The following PER2 variants were observed in gnomAD, a reference collection of about 807,000 sequenced individuals.
PER2 encodes the protein period circadian protein homolog 2.
PER2 carries 66 observed loss-of-function variants against 121.0 expected under a neutral mutation model. The ratio of observed to expected loss-of-function variants is 0.55; its 90% CI spans 0.45 to 0.67. The LOEUF (loss-of-function observed/expected upper bound fraction) is 0.67. PER2 is among the 30% of genes least tolerant of loss of function. PER2 has a pLI of 0.00. For synonymous variants in PER2, 684 were observed against 659.9 expected (o/e 1.04, Z -0.56); for missense variants, 1,521 against 1,635.0 (o/e 0.93, Z 1.20).
At position 238,253,268 on chromosome 2, in the gene PER2, T is replaced by A. The variant is rs201452338; in HGVS notation, c.2755A>T (p.Asn919Tyr). 2 of 1,610,114 alleles carry A rather than the reference T, an allele frequency of 1.2e-6. No individual in the cohort carries two copies. Among genetic ancestry groups the A allele is most frequent in the East Asian group, 2.2e-5 (1 of 44,796 alleles). ...PSYSFPSGTP[N>Y]LPQAFFPSQP... ...CTGGGGAAGAAGGCCTGGGGCAGGT[T>A]TGGGGTCCCCGAGGGGAAGGAATAA... The change falls in exon 19 of 23, where the codon AAC (asparagine) becomes TAC (tyrosine). Residue 919 changes from asparagine (N) to tyrosine (Y), a missense_variant. By Grantham distance (143) the Asn-to-Tyr change is moderately radical. Transcript: ENST00000254657. The surrounding 1 kb of genome is among the most constrained non-coding windows in gnomAD (Gnocchi z 5.6).
Position 238,260,814 on chromosome 2 carries a change from G to C in PER2, c.1542+14C>G. On this transcript the variant is annotated intron_variant, in intron 13 of 22. Transcript: ENST00000254657. ...ACAAACTCATTTTCTCAGGGAGAATGGAAGGAGACGTACGGCTCTCCTCCG... is the reference window on the plus strand; with the variant it reads ...ACAAACTCATTTTCTCAGGGAGAATCGAAGGAGACGTACGGCTCTCCTCCG... 1.9e-6 allele frequency: 3 copies of C among 1,613,874 alleles called. No homozygotes were observed. The highest frequency in any genetic ancestry group is 2.5e-6 in the Non-Finnish European group (3 of 1,179,824).
intron 8 of PER2, among the ~76,000 whole-genome samples, chr2:238,266,367 C>T (rs1006368320): frequency 2.0e-5 from 3 of 151,852 alleles, no homozygotes; most frequent in Non-Finnish European, 1.5e-5. Context: ...AGAGATCCTC[C>T]TACCTCAGCC....
upstream of PER2, among the ~76,000 whole-genome samples, chr2:238,294,388 G>A (rs1449611982): frequency 6.6e-6 from 1 of 152,184 alleles, no homozygotes; most frequent in Admixed American, 6.5e-5. Flanking sequence ...GACCAACAAG[G>A]CCTGCTGTCA....
chr2:238,245,790 C>T lies in PER2; in HGVS notation c.*585G>A, dbSNP rs1404284825. 3 of 397,372 alleles carry T rather than the reference C, an allele frequency of 7.5e-6. No homozygotes were observed. Among genetic ancestry groups the T allele is most frequent in the Admixed American group, 4.4e-5 (1 of 22,714 alleles). The allele number at this position is 397,372 out of a possible 1,614,324, so 24.6% of individuals were successfully genotyped here. A position where few individuals can be genotyped will look rare whatever the true frequency, so the allele number is the denominator to read the frequency against. On this transcript the variant is annotated 3_prime_UTR_variant, in exon 23 of 23. Transcript: ENST00000254657. ...ATGTCAGACTGAAATATTGACCACACCAGAAGCCAAAGCTGTTGGTTTGCC... is the reference window on the plus strand; with the variant it reads ...ATGTCAGACTGAAATATTGACCACATCAGAAGCCAAAGCTGTTGGTTTGCC...
chr2:238,287,192 A>C (rs1696814014), intron 1 of PER2, among the ~76,000 whole-genome samples: 1 of 152,198 alleles, frequency 6.6e-6, no homozygotes, highest in Non-Finnish European at 1.5e-5. Flanking sequence ...AATGAATCAT[A>C]CCAAGGCGAC....
At chr2:238,271,176 G>A (rs1000268289) in intron 6 of PER2, 136 bp downstream of exon 6, 1 of 780,380 alleles carries the variant, frequency 1.3e-6, no homozygotes, top group Admixed American at 1.7e-5. Context: ...ACCTTTGCCA[G>A]AGCAGGCAGC....
chr2:238,262,843 T>C, intron 10 of PER2, 109 bp downstream of exon 10: 1 of 777,430 alleles, frequency 1.3e-6, no homozygotes, highest in South Asian at 1.5e-5. Flanking sequence ...CACCTGCTTG[T>C]CCTTAGCTGA....
intron 4 of PER2, among the ~76,000 whole-genome samples, chr2:238,274,499 G>A (rs1336839188): frequency 3.3e-5 from 5 of 152,226 alleles, no homozygotes; most frequent in Non-Finnish European, 7.3e-5. Context: ...CTGAAATCAA[G>A]ATATAAACTG....
intron 12 of PER2, among the ~76,000 whole-genome samples, chr2:238,261,244 T>C (rs1045636494): frequency 1.3e-5 from 2 of 152,310 alleles, no homozygotes; most frequent in Admixed American, 1.3e-4. Flanking sequence ...CCTCTGTGGA[T>C]GGGTTTAAAA....
intron 21 of PER2, among the ~76,000 whole-genome samples, chr2:238,249,618 ACTTAG>A (rs1695545468): frequency 6.6e-6 from 1 of 152,068 alleles, no homozygotes; most frequent in East Asian, 1.9e-4. Flanking sequence ...TGACCAGAGG[ACTTAG>A]GGGTTTGATA....
chr2:238,253,047 G>A lies in PER2; in HGVS notation c.2976C>T (p.Asn992=), dbSNP rs1216454081. ...CAGGGGCTTCCTCCAGCTGCAGCAG[G>A]TTGAGCTGCAGGGGCGAGCTGCTGC... ...QSRSSSPLQL[N]LLQLEEAPEG... is the part of the protein sequence containing the mutation. The change falls in exon 19 of 23, where the codon AAC becomes AAT. Residue 992 remains asparagine (N), a synonymous_variant. Transcript: ENST00000254657. The surrounding 1 kb of genome is among the most constrained non-coding windows in gnomAD (Gnocchi z 5.6). 3 of 1,613,840 alleles carry A rather than the reference G, an allele frequency of 1.9e-6. No homozygotes were observed. The highest frequency in any genetic ancestry group is 1.3e-5 in the African/African-American group (1 of 75,052).
chr2:238,262,069 G>A (rs1363162290), intron 11 of PER2, 122 bp downstream of exon 11: 1 of 1,027,378 alleles, frequency 9.7e-7, no homozygotes, highest in African/African-American at 1.6e-5. Context: ...TTGGTGGCAG[G>A]AAGCAAGGTT....
chr2:238,255,657 T>C lies in PER2; in HGVS notation c.2320A>G (p.Thr774Ala). 1 of 1,614,236 alleles carries C rather than the reference T, an allele frequency of 6.2e-7. No homozygotes were observed. The highest frequency in any genetic ancestry group is 8.5e-7 in the Non-Finnish European group (1 of 1,179,992). ...CACTTTTAATTCGGGTATCACTTACTTCGTTCACTTGGCTGCCCCTTGGAT... is the reference window on the plus strand; with the variant it reads ...CACTTTTAATTCGGGTATCACTTACCTCGTTCACTTGGCTGCCCCTTGGAT... ...ERSKGQPSER[T>A]APGLRNTSGI... The change falls in exon 18 of 23, where the codon ACT becomes GCT. Residue 774 changes from threonine (T) to alanine (A), a missense_variant and splice_region_variant. Physicochemically the swap from Thr to Ala is moderately conservative, Grantham distance 58. Transcript: ENST00000254657.
intron 22 of PER2, 135 bp from the exon 23 acceptor site, chr2:238,246,659 G>C (rs1199653696): frequency 1.7e-6 from 1 of 578,070 alleles, no homozygotes; most frequent in Non-Finnish European, 3.2e-6. Context: ...GGCAGATCAC[G>C]ACGTCAGGAG....
intron 16 of PER2, 32 bp downstream of exon 16, chr2:238,258,244 C>T: frequency 6.2e-7 from 1 of 1,612,020 alleles, no homozygotes; most frequent in Non-Finnish European, 8.5e-7. Context: ...TACATTATTT[C>T]ACATGTACAT....
At chr2:238,251,534 A>G (rs1574839425) in intron 20 of PER2, 65 bp downstream of exon 20, 1 of 1,449,732 alleles carries the variant, frequency 6.9e-7, no homozygotes, top group East Asian at 2.3e-5. Flanking sequence ...CCGGCCTGTG[A>G]CTCTGGAGCA....
At chr2:238,280,441 C>T (rs1336301408) in intron 1 of PER2, among the ~76,000 whole-genome samples, 1 of 152,220 alleles carries the variant, frequency 6.6e-6, no homozygotes, top group Admixed American at 6.5e-5. Flanking sequence ...GAACACAACC[C>T]TCATGCCACA....
At chr2:238,290,312 C>T (rs1438265928), upstream of PER2, among the ~76,000 whole-genome samples, 1 of 151,966 alleles carries the variant, frequency 6.6e-6, no homozygotes, top group Non-Finnish European at 1.5e-5. Flanking sequence ...CACATACACA[C>T]ACAAATGCCA....
chr2:238,261,359 G>A (rs1559327958), intron 12 of PER2: 4 of 378,040 alleles, frequency 1.1e-5, no homozygotes, highest in Non-Finnish European at 2.0e-5. Flanking sequence ...TTTTTTTAGG[G>A]ACCTTGAGTA....
Sources: allele counts gnomAD v4.1 joint callset (sites outside exome capture counted in the v4.1 genomes callset), GRCh38; gene constraint gnomAD v4.1.1; non-coding constraint Gnocchi (gnomAD v3.1); transcripts MANE v1.5; gene names NCBI Gene and HGNC (gene_info 2026-07-23, HGNC 2026-07-21).